ANO10: variants seen among roughly 807,000 people sequenced by gnomAD.
ANO10 encodes the protein anoctamin 10.
Under a neutral mutation model 74.7 loss-of-function variants are expected in ANO10, and 77 were observed. The observed-to-expected ratio is 1.03, with a 90% confidence interval of 0.86 to 1.25. The LOEUF (loss-of-function observed/expected upper bound fraction) is 1.25. ANO10 is among the 50% of genes most tolerant of loss of function. The pLI, the probability that ANO10 is intolerant of heterozygous loss-of-function variation, is 0.00. For synonymous variants in ANO10, 279 were observed against 284.9 expected, an observed-to-expected ratio of 0.98 and a Z score of 0.21; for missense variants, 721 against 778.1, an observed-to-expected ratio of 0.93 and a Z score of 0.87.
At chr3:43,368,668 GTAAGACTTTTAA>G (rs1376203038) in intron 12 of ANO10, among the ~76,000 whole-genome samples, 1 of 151,062 alleles carries the variant, frequency 6.6e-6, no homozygotes, top group African/African-American at 2.4e-5. Flanking sequence ...TTTAATACTT[GTAAGACTTTTAA>G]AATGTCTTTT....
At chr3:43,586,407 G>A (rs571068425) in intron 4 of ANO10, among the ~76,000 whole-genome samples, 5 of 152,106 alleles carry the variant, frequency 3.3e-5, no homozygotes, top group Admixed American at 6.5e-5. Context: ...CAAGGAGAAC[G>A]CACTGCCAGG....
chr3:43,394,585 C>T (rs1339603159), intron 12 of ANO10, among the ~76,000 whole-genome samples: 1 of 152,140 alleles, frequency 6.6e-6, no homozygotes, highest in African/African-American at 2.4e-5. Flanking sequence ...ACAGTGAAAA[C>T]GACAACAACA....
chr3:43,380,971 G>T (rs1218493559), intron 12 of ANO10, among the ~76,000 whole-genome samples: 1 of 152,200 alleles, frequency 6.6e-6, no homozygotes, highest in Non-Finnish European at 1.5e-5. Context: ...AATCATGGCG[G>T]AAGGGGAAGC....
At chr3:43,607,464 G>A (rs1432895366) in intron 1 of ANO10, among the ~76,000 whole-genome samples, 1 of 152,166 alleles carries the variant, frequency 6.6e-6, no homozygotes, top group African/African-American at 2.4e-5. Flanking sequence ...ACTAAGCAGG[G>A]CTTCTGTTGG....
intron 12 of ANO10, among the ~76,000 whole-genome samples, chr3:43,384,205 G>A (rs2092052718): frequency 6.6e-6 from 1 of 151,514 alleles, no homozygotes; most frequent in African/African-American, 2.4e-5. Context: ...AAAATACTTA[G>A]GAATATACCT....
At chr3:43,449,339 A>G (rs2074740089) in intron 11 of ANO10, among the ~76,000 whole-genome samples, 1 of 152,072 alleles carries the variant, frequency 6.6e-6, no homozygotes, top group South Asian at 2.1e-4. Flanking sequence ...TTTAACTTAT[A>G]AATTATTTCT....
intron 4 of ANO10, among the ~76,000 whole-genome samples, chr3:43,581,926 G>GAAAAAAAAAAAGA (rs1260866512): frequency 2.6e-5 from 3 of 117,328 alleles, no homozygotes; most frequent in Non-Finnish European, 5.3e-5. Flanking sequence ...ACCTCATCTC[G>GAAAAAAAAAAAGA]AAAAAAAAAA....
At chr3:43,673,307 A>G (rs2084082181) in intron 1 of ANO10, among the ~76,000 whole-genome samples, 1 of 152,256 alleles carries the variant, frequency 6.6e-6, no homozygotes, top group Non-Finnish European at 1.5e-5. Flanking sequence ...AGTGCAGACT[A>G]AACAGAATGG....
intron 12 of ANO10, among the ~76,000 whole-genome samples, chr3:43,407,048 C>A (rs191733535): frequency 9.2e-5 from 14 of 152,184 alleles, no homozygotes; most frequent in Non-Finnish European, 1.5e-4. Flanking sequence ...GGACTACAGG[C>A]ATGTGCCACC....
At position 43,550,488 on chromosome 3, in the gene ANO10, T is replaced by C. The variant is rs1229209489; in HGVS notation, c.1669-640A>G. ...AAATGTTGTGACCATTGCTCTTTTT[T>C]TCTTTAATACAAAGTATATGGTGAT... On this transcript the variant is annotated intron_variant, in intron 10 of 12. Transcript: ENST00000292246. 3.3e-5 allele frequency among the ~76,000 whole-genome samples: 5 copies of C among 152,356 alleles called. No homozygotes were observed. The East Asian group carries it at 9.6e-4, about 29-fold the overall frequency.
chr3:43,534,902 C>T (rs532974122), intron 11 of ANO10, among the ~76,000 whole-genome samples: 3 of 152,212 alleles, frequency 2.0e-5, no homozygotes, highest in South Asian at 4.1e-4. Flanking sequence ...TGACTTGTAC[C>T]AGAATGTAAA....
intron 1 of ANO10, among the ~76,000 whole-genome samples, chr3:43,637,165 G>C (rs1306965551): frequency 6.7e-6 from 1 of 149,310 alleles, no homozygotes; most frequent in South Asian, 2.1e-4. Flanking sequence ...GTGAGACCCT[G>C]TCTCAAAAAA....
chr3:43,543,012 C>T lies in ANO10; in HGVS notation c.1797+6708G>A, dbSNP rs541274968. Among the ~76,000 whole-genome samples, 112 of 152,258 alleles carry T rather than the reference C, an allele frequency of 7.4e-4. 1 individual carries two copies. Among genetic ancestry groups the T allele is most frequent in the African/African-American group, 2.6e-3 (108 of 41,554 alleles). ...ACTCATGCAAGGGAGGCTGCACTGG[C>T]CTCACTCTGAAGTCAAGGGAATGGG... On this transcript the variant is annotated intron_variant, in intron 11 of 12. Coordinates refer to ENST00000292246, the MANE Select transcript of ANO10 (RefSeq NM_018075.5).
chr3:43,615,206 T>C (rs1281857256), intron 1 of ANO10, among the ~76,000 whole-genome samples: 2 of 152,162 alleles, frequency 1.3e-5, no homozygotes, highest in Admixed American at 1.3e-4. Flanking sequence ...AAGAAGAAAC[T>C]TTAATGCTAC....
At chr3:43,382,443 C>T (rs560262507) in intron 12 of ANO10, among the ~76,000 whole-genome samples, 19 of 150,398 alleles carry the variant, frequency 1.3e-4, no homozygotes, top group African/African-American at 3.9e-4. Flanking sequence ...GGCGTGAACC[C>T]GGGAGGCGGA....
intron 1 of ANO10, among the ~76,000 whole-genome samples, chr3:43,689,008 T>G (rs908948791): frequency 5.3e-5 from 8 of 152,112 alleles, no homozygotes; most frequent in African/African-American, 1.9e-4. Context: ...GCAGGCATCT[T>G]ACATGACTAG....
At chr3:43,405,004 A>G (rs17075709) in intron 12 of ANO10, among the ~76,000 whole-genome samples, 3,582 of 152,324 alleles carry the variant, frequency 0.024, 147 homozygotes, top group African/African-American at 0.081. Context: ...TGATGAATAC[A>G]TGAAATAGTT....
At chr3:43,422,418 TTTG>T (rs1451331228) in intron 12 of ANO10, among the ~76,000 whole-genome samples, 1 of 152,190 alleles carries the variant, frequency 6.6e-6, no homozygotes, top group Non-Finnish European at 1.5e-5. Context: ...CCCACCCTTT[TTTG>T]TTGTTTTTAA....
At position 43,605,728 on chromosome 3, in the gene ANO10, T is replaced by G; in HGVS notation, c.125A>C (p.Lys42Thr). The G allele has an allele frequency of 6.2e-7, 1 of 1,613,640 alleles. No homozygotes were observed. Among genetic ancestry groups the G allele is most frequent in the Non-Finnish European group, 8.5e-7 (1 of 1,179,646 alleles). ...KEWLKNRIIA[K>T]KKDGGAQLLF... ...ATTTTACTCACCTCCATCTTTTTTT[T>G]TAGCTATAATTCTGTTTTTCAGCCA... Residue 42 changes from lysine to threonine, a missense_variant, in exon 2 of 13, where the codon AAA becomes ACA. Physicochemically the swap from Lys to Thr is moderately conservative, Grantham distance 78. Transcript: ENST00000292246.
Sources: gnomAD v4.1 joint callset for allele counts (sites outside exome capture counted in the v4.1 genomes callset) on GRCh38, gnomAD v4.1.1 for gene constraint, MANE v1.5 for transcripts, NCBI Gene and HGNC (gene_info 2026-07-23, HGNC 2026-07-21) for gene names.